Variants in COL18A1 observed in about 807,000 individuals in gnomAD.
COL18A1 encodes collagen alpha-1(XVIII) chain.
Under a neutral mutation model 168.0 loss-of-function variants are expected in COL18A1, and 133 were observed. The ratio of observed to expected loss-of-function variants is 0.79; its 90% CI spans 0.69 to 0.91. COL18A1 has a LOEUF of 0.91. COL18A1 is among the 40% of genes least tolerant of loss of function. The pLI, the probability that COL18A1 is intolerant of heterozygous loss-of-function variation, is 0.00. For synonymous variants in COL18A1, 949 were observed against 809.0 expected (o/e 1.17, Z -2.94); for missense variants, 2,126 against 1,925.4 (o/e 1.10, Z -1.95).
chr21:45,416,453 C>T (rs1037433435), intron 2 of COL18A1, among the ~76,000 whole-genome samples: 2 of 152,016 alleles, frequency 1.3e-5, no homozygotes, highest in African/African-American at 2.4e-5. Context: ...TGGGGGTGGC[C>T]GGGGCAGGGC....
chr21:45,443,037 G>A lies in COL18A1; in HGVS notation c.107-25205G>A, dbSNP rs1217117830. Among the ~76,000 whole-genome samples the A allele has an allele frequency of 1.4e-5, 2 of 144,040 alleles. No individual in the cohort carries two copies. The highest frequency in any genetic ancestry group is 5.6e-5 in the African/African-American group (2 of 35,944). The allele number at this position is 144,040 out of a possible 152,430, so 94.5% of individuals were successfully genotyped here. A position where few individuals can be genotyped will look rare whatever the true frequency, so the allele number is the denominator to read the frequency against. ...TGTGGGTGGTGGTGGTGCTGATGTG[G>A]GCGGCGGTGCTGGTGTGGGCGGTGG... is the stretch of plus-strand genomic sequence containing the variant. On this transcript the variant is annotated intron_variant, in intron 2 of 41. Coordinates refer to ENST00000651438, the MANE Select transcript of COL18A1 (RefSeq NM_001379500.1). The surrounding 1 kb of genome is among the most constrained non-coding windows in gnomAD (Gnocchi z 5.2).
rs556902369 is a variant in COL18A1, at chr21:45,505,238, C to G, written c.2973C>G (p.Gly991=). ...EGRQGPPGPP[G]PPGPPSFPGP... Reference sequence around the variant, plus strand: ...GCCAGGGCCCTCCCGGCCCCCCAGGCCCCCCAGGGCCCCCTTCATTTCCTG... The same window carrying G: ...GCCAGGGCCCTCCCGGCCCCCCAGGGCCCCCAGGGCCCCCTTCATTTCCTG... Residue 991 remains glycine, a synonymous_variant, in exon 35 of 42, where the codon GGC becomes GGG. Coordinates refer to ENST00000651438, the MANE Select transcript of COL18A1 (RefSeq NM_001379500.1). The G allele has an allele frequency of 3.1e-6, 5 of 1,598,612 alleles. No homozygotes were observed. The highest frequency in any genetic ancestry group is 2.6e-6 in the Non-Finnish European group (3 of 1,169,754).
Position 45,491,290 on chromosome 21 carries a change from T to C in COL18A1, c.2133T>C (p.Pro711=). The C allele has an allele frequency of 6.2e-7, 1 of 1,611,818 alleles. No individual in the cohort carries two copies. Among genetic ancestry groups the C allele is most frequent in the Non-Finnish European group, 8.5e-7 (1 of 1,179,438 alleles). Residue 711 remains proline (P), a synonymous_variant, in exon 22 of 42, where the codon CCT becomes CCC. Transcript: ENST00000651438. ...GLPGPPGPPG[P]VVYVSEQDGS... is the part of the protein sequence containing the mutation. ...CTGGCCCCCCCGGACCCCCGGGACCTGTGGTCTACGTGTCGGAGCAGGACG... is the reference window on the plus strand; with the variant it reads ...CTGGCCCCCCCGGACCCCCGGGACCCGTGGTCTACGTGTCGGAGCAGGACG...
chr21:45,426,939 G>A (rs907834830), intron 2 of COL18A1, among the ~76,000 whole-genome samples: 2 of 152,174 alleles, frequency 1.3e-5, no homozygotes, highest in African/African-American at 4.8e-5. Flanking sequence ...CGGGGGTGCC[G>A]TGCACACAGG....
intron 2 of COL18A1, among the ~76,000 whole-genome samples, chr21:45,451,896 G>A (rs1226595401): frequency 2.0e-5 from 3 of 152,216 alleles, no homozygotes; most frequent in African/African-American, 7.2e-5. Context: ...TCCATCATGG[G>A]CCTCCCAGCC....
At chr21:45,468,136 C>G in intron 2 of COL18A1, 106 bp from the exon 3 acceptor site, 1 of 1,256,768 alleles carries the variant, frequency 8.0e-7, no homozygotes, top group Admixed American at 1.9e-5. Flanking sequence ...CCCTCCCAGA[C>G]TCAGTTTCTC....
chr21:45,437,694 A>ACT (rs1827046270), intron 2 of COL18A1, among the ~76,000 whole-genome samples: 3 of 72,436 alleles, frequency 4.1e-5, no homozygotes, highest in African/African-American at 8.6e-5. Context: ...TCCTGCACAC[A>ACT]CACACACACA....
intron 2 of COL18A1, among the ~76,000 whole-genome samples, chr21:45,465,322 G>A (rs554866293): frequency 1.3e-5 from 2 of 152,110 alleles, no homozygotes; most frequent in African/African-American, 2.4e-5. Context: ...ACGTGTCCGA[G>A]TGTCAACAGG....
rs1444281139 is a variant in COL18A1, at chr21:45,425,948, A to G, written c.106+20475A>G. ...TCCCTGCATCCCTGTTGCTTCTTTCATGTGGGATGAGAACCCAGGAAGGGG... is the reference window on the plus strand; with the variant it reads ...TCCCTGCATCCCTGTTGCTTCTTTCGTGTGGGATGAGAACCCAGGAAGGGG... On this transcript the variant is annotated intron_variant, in intron 2 of 41. Coordinates refer to ENST00000651438, the MANE Select transcript of COL18A1 (RefSeq NM_001379500.1). This position sits in a 1 kb window ranked among gnomAD's most constrained non-coding sequence, Gnocchi z 4.1. Among the ~76,000 whole-genome samples the G allele has an allele frequency of 1.2e-4, 19 of 152,002 alleles. No homozygotes were observed. Among genetic ancestry groups the G allele is most frequent in the Admixed American group, 1.2e-3 (19 of 15,266 alleles).
intron 27 of COL18A1, 35 bp downstream of exon 27, chr21:45,494,606 C>T (rs764496877): frequency 5.6e-5 from 91 of 1,612,426 alleles, no homozygotes; most frequent in Middle Eastern, 3.4e-4. Context: ...GCACTGAGCT[C>T]GGGCATGACG....
At chr21:45,435,895 C>T (rs1036536405) in intron 2 of COL18A1, among the ~76,000 whole-genome samples, 7 of 152,162 alleles carry the variant, frequency 4.6e-5, no homozygotes, top group East Asian at 1.9e-4. Flanking sequence ...TCAGTAACTC[C>T]GTGTGCCCCT....
chr21:45,476,436 G>C lies in COL18A1; in HGVS notation c.884G>C (p.Arg295Thr). The C allele has an allele frequency of 6.2e-7, 1 of 1,614,026 alleles. No individual in the cohort carries two copies. Among genetic ancestry groups the C allele is most frequent in the Non-Finnish European group, 8.5e-7 (1 of 1,179,992 alleles). Reference protein sequence around the residue: ...LAGGSSTEDSRSEEVEEQTTV... With the variant: ...LAGGSSTEDSTSEEVEEQTTV... ...GGAGGCAGCAGCACGGAAGATTCCAGAAGTGAAGAAGTCGAGGAGCAGACC... is the reference window on the plus strand; with the variant it reads ...GGAGGCAGCAGCACGGAAGATTCCACAAGTGAAGAAGTCGAGGAGCAGACC... Residue 295 changes from arginine to threonine, a missense_variant, in exon 6 of 42, where the codon AGA becomes ACA. By Grantham distance (71) the Arg-to-Thr change is moderately conservative. Transcript: ENST00000651438.
intron 17 of COL18A1, 116 bp downstream of exon 17, chr21:45,487,625 G>A (rs1192560630): frequency 5.2e-6 from 7 of 1,354,562 alleles, no homozygotes; most frequent in Non-Finnish European, 7.3e-6. Context: ...GCCCTGCAGA[G>A]CCGTGAGGAC....
chr21:45,511,496 C>T (rs1240873345), intron 41 of COL18A1, among the ~76,000 whole-genome samples: 1 of 152,154 alleles, frequency 6.6e-6, no homozygotes, highest in South Asian at 2.1e-4. Context: ...CTCCATGTCT[C>T]CCGGATGTCA....
rs377296754 is a variant in COL18A1 at position 45,482,836 on chromosome 21, C to T, written c.1701+15C>T. The T allele has an allele frequency of 1.2e-6, 2 of 1,614,046 alleles. No individual in the cohort carries two copies. Among genetic ancestry groups the T allele is most frequent in the African/African-American group, 2.7e-5 (2 of 74,918 alleles). ...CAGGACATAAGGTACAAGCAGAATCCCTGGCACATCAGTCCCCTGCCCCTG... is the reference window on the plus strand; with the variant it reads ...CAGGACATAAGGTACAAGCAGAATCTCTGGCACATCAGTCCCCTGCCCCTG... On this transcript the variant is annotated intron_variant, in intron 15 of 41. Coordinates refer to ENST00000651438, the MANE Select transcript of COL18A1 (RefSeq NM_001379500.1).
chr21:45,490,329 GGCATTGCTGGGCCCCAGGTGAGTT>G lies in COL18A1; in HGVS notation c.2017_2031+9del, dbSNP rs1392199215. The G allele has an allele frequency of 1.9e-6, 3 of 1,582,978 alleles. No individual in the cohort carries two copies. Among genetic ancestry groups the G allele is most frequent in the Non-Finnish European group, 2.6e-6 (3 of 1,165,164 alleles). On this transcript the variant is annotated splice_donor_variant and splice_donor_5th_base_variant and coding_sequence_variant and intron_variant, in exon 20 of 42. Transcript: ENST00000651438. LOFTEE classifies it high-confidence loss of function. Reference sequence around the variant, plus strand: ...GTTCCCCGGCCTCCCTGGCAGAGAGGGCATTGCTGGGCCCCAGGTGAGTTGCCTTGGTGGGCCCAGGGTGCAGGG... The same window carrying G: ...GTTCCCCGGCCTCCCTGGCAGAGAGGGCCTTGGTGGGCCCAGGGTGCAGGG...
chr21:45,494,277 G>T, intron 26 of COL18A1: 1 of 418,180 alleles, frequency 2.4e-6, no homozygotes, highest in Non-Finnish European at 4.3e-6. Flanking sequence ...CCCTGCTTCA[G>T]GGTCCCGGGG....
chr21:45,494,014 C>G (rs557856360), intron 26 of COL18A1: 65 of 257,910 alleles, frequency 2.5e-4, no homozygotes, highest in Non-Finnish European at 4.1e-4. Flanking sequence ...GTCCCCACCC[C>G]CAGCAGGCAG....
At chr21:45,412,205 G>T (rs1462901346) in intron 2 of COL18A1, among the ~76,000 whole-genome samples, 1 of 150,848 alleles carries the variant, frequency 6.6e-6, no homozygotes, top group Non-Finnish European at 1.5e-5. Context: ...TTTAACTGGG[G>T]GTATGATATT....
Sources: gnomAD v4.1 joint callset for allele counts (sites outside exome capture counted in the v4.1 genomes callset) on GRCh38, gnomAD v4.1.1 for gene constraint, Gnocchi (gnomAD v3.1) non-coding constraint, MANE v1.5 for transcripts, NCBI Gene and HGNC (gene_info 2026-07-23, HGNC 2026-07-21) for gene names.